Variants in USP20 observed in about 807,000 individuals in gnomAD.
USP20 encodes ubiquitin specific peptidase 20, also known as ubiquitin carboxyl-terminal hydrolase 20.
Under a neutral mutation model 124.2 loss-of-function variants are expected in USP20, and 80 were observed. The observed-to-expected ratio is 0.64, with a 90% CI of 0.54 to 0.78. The LOEUF is 0.78. USP20 is among the 30% of genes least tolerant of loss of function. USP20 has a pLI of 0.00. For synonymous variants in USP20, 481 were observed against 512.3 expected, an observed-to-expected ratio of 0.94 and a Z score of 0.83; for missense variants, 1,043 against 1,244.4, an observed-to-expected ratio of 0.84 and a Z score of 2.44.
intron 17 of USP20, 119 bp downstream of exon 17, chr9:129,873,863 G>C: frequency 7.9e-7 from 1 of 1,261,018 alleles, no homozygotes; most frequent in East Asian, 2.4e-5. Flanking sequence ...AGGGGCCGTG[G>C]AGACTCCATA....
chr9:129,853,665 A>G (rs972419615), intron 3 of USP20, among the ~76,000 whole-genome samples: 12 of 152,222 alleles, frequency 7.9e-5, no homozygotes, highest in African/African-American at 2.7e-4. Flanking sequence ...CATAGTGCCT[A>G]TAGCTGCTTT....
rs1025551623 is a variant in USP20, at chr9:129,841,012, C to G, written c.-129+5513C>G. Among the ~76,000 whole-genome samples the G allele has an allele frequency of 2.3e-4, 35 of 152,172 alleles. 1 individual carries two copies. Among genetic ancestry groups the G allele is most frequent in the Admixed American group, 2.3e-3 (35 of 15,276 alleles). ...TCTCAAACTGCTGACCTCTGGTGAT[C>G]CGCCAGCCTCAACCTCCCAAAGTGC... is the stretch of plus-strand genomic sequence containing the variant. On this transcript the variant is annotated intron_variant, in intron 1 of 25. Coordinates refer to ENST00000372429, the MANE Select transcript of USP20 (RefSeq NM_001110303.4).
intron 1 of USP20, among the ~76,000 whole-genome samples, chr9:129,846,323 A>T: frequency 8.1e-6 from 1 of 123,912 alleles, no homozygotes; most frequent in East Asian, 2.5e-4. Context: ...TGGTGCCATC[A>T]TAGCTCACTG....
chr9:129,877,895 G>A (rs571089350), intron 22 of USP20, among the ~76,000 whole-genome samples: 5 of 152,174 alleles, frequency 3.3e-5, no homozygotes, highest in Non-Finnish European at 5.9e-5. Context: ...CCAACATGGC[G>A]AAACCCCGTC....
chr9:129,868,202 C>T lies in USP20; in HGVS notation c.888C>T (p.Asp296=), dbSNP rs780322247. The T allele has an allele frequency of 3.1e-5, 50 of 1,613,824 alleles. 1 individual carries two copies. The highest frequency in any genetic ancestry group is 2.9e-4 in the South Asian group (26 of 91,082). ...CGAGCAGTGACCGGGGTGAGGGTGA[C>T]GGGCAGGGGCGTGGCGGGGGCAGCT... ...CDSSSDRGEG[D]GQGRGGGSSQ... is the part of the protein sequence containing the mutation. The change falls in exon 11 of 26, where the codon GAC becomes GAT. Residue 296 remains aspartate (D), a synonymous_variant. Transcript: ENST00000372429.
rs185840574 is a variant in USP20 at position 129,869,031 on chromosome 9, C to G, written c.1276+29C>G. On this transcript the variant is annotated intron_variant, in intron 12 of 25. Transcript: ENST00000372429. Reference sequence around the variant, plus strand: ...CGGGGGGCACGGGAGGGTGGGTCAGCTTGAGGCTGGGAGTACAGATTACGC... The same window carrying G: ...CGGGGGGCACGGGAGGGTGGGTCAGGTTGAGGCTGGGAGTACAGATTACGC... The G allele has an allele frequency of 3.9e-4, 611 of 1,584,082 alleles. 4 individuals carry two copies. The East Asian group carries it at 0.013, about 33-fold the overall frequency.
chr9:129,850,535 G>A (rs896659129), intron 2 of USP20, among the ~76,000 whole-genome samples: 9 of 152,282 alleles, frequency 5.9e-5, no homozygotes, highest in African/African-American at 1.7e-4. Flanking sequence ...TGAGAATCTG[G>A]CCAGTTGACC....
chr9:129,865,613 C>T (rs191648516), intron 10 of USP20, among the ~76,000 whole-genome samples: 23 of 152,224 alleles, frequency 1.5e-4, no homozygotes, highest in Non-Finnish European at 2.6e-4. Context: ...GTTCAGGGGC[C>T]GAGCCACTTG....
rs891226506 is a variant in USP20 at position 129,881,240 on chromosome 9, G to A, written c.*790G>A. The A allele has an allele frequency of 2.0e-5, 3 of 152,294 alleles. No homozygotes were observed. The highest frequency in any genetic ancestry group is 2.9e-5 in the Non-Finnish European group (2 of 68,080). 9.4% of individuals were successfully genotyped at this position (152,294 alleles called of 1,614,324 possible). On this transcript the variant is annotated 3_prime_UTR_variant, in exon 26 of 26. Transcript: ENST00000372429. ...GATACCTCACAGCTTGGCCATTTGA[G>A]GCAAAGGCAGCTTCCCGAGCTGATG...
intron 3 of USP20, among the ~76,000 whole-genome samples, chr9:129,852,894 A>C (rs989393688): frequency 6.6e-6 from 1 of 152,202 alleles, no homozygotes; most frequent in African/African-American, 2.4e-5. Context: ...GGCGGTGCAC[A>C]GAGCCTCTCC....
chr9:129,878,586 T>C, intron 23 of USP20, 146 bp downstream of exon 23: 1 of 711,558 alleles, frequency 1.4e-6, no homozygotes, highest in Non-Finnish European at 2.3e-6. Flanking sequence ...ACAGAGAGCA[T>C]GGGGCTTTGC....
intron 15 of USP20, among the ~76,000 whole-genome samples, chr9:129,872,625 T>C (rs575676404): frequency 6.6e-6 from 1 of 152,338 alleles, no homozygotes; most frequent in South Asian, 2.1e-4. Flanking sequence ...ACTTTTTTCC[T>C]ACTTTTCTCC....
At chr9:129,868,749 A>C in intron 11 of USP20, 113 bp from the exon 12 acceptor site, 1 of 1,466,060 alleles carries the variant, frequency 6.8e-7, no homozygotes, top group South Asian at 1.4e-5. Context: ...CAGAGGAGAC[A>C]CATTAGGGTC....
intron 1 of USP20, among the ~76,000 whole-genome samples, chr9:129,844,557 G>C (rs1332525491): frequency 1.3e-5 from 2 of 148,778 alleles, no homozygotes; most frequent in African/African-American, 5.0e-5. Context: ...ACCTGAAGTG[G>C]AGAGTGTGTT....
chr9:129,875,592 G>T lies in USP20; in HGVS notation c.2251G>T (p.Asp751Tyr). 1 of 1,613,990 alleles carries T rather than the reference G, an allele frequency of 6.2e-7. No individual in the cohort carries two copies. Among genetic ancestry groups the T allele is most frequent in the South Asian group, 1.1e-5 (1 of 91,056 alleles). Residue 751 changes from aspartate to tyrosine, a missense_variant, in exon 21 of 26, where the codon GAC becomes TAC. Physicochemically the swap from Asp to Tyr is radical, Grantham distance 160. Coordinates refer to ENST00000372429, the MANE Select transcript of USP20 (RefSeq NM_001110303.4). ...IPPHKYHYID[D>Y]LVVILPQNVW... ...GCCCCACAAATACCACTACATCGACGACCTGGTGGTCATCCTGCCCCAGAA... is the reference window on the plus strand; with the variant it reads ...GCCCCACAAATACCACTACATCGACTACCTGGTGGTCATCCTGCCCCAGAA...
chr9:129,867,914 T>A, intron 10 of USP20, 91 bp from the exon 11 acceptor site: 3 of 1,469,564 alleles, frequency 2.0e-6, no homozygotes, highest in Non-Finnish European at 2.7e-6. Context: ...TCCTCCTAGA[T>A]GGAGGCTGGC....
At chr9:129,866,327 A>T (rs534792074) in intron 10 of USP20, among the ~76,000 whole-genome samples, 2 of 152,328 alleles carry the variant, frequency 1.3e-5, no homozygotes, top group Admixed American at 1.3e-4. Flanking sequence ...CTTTTTGGGG[A>T]GTGATAACAT....
At chr9:129,859,648 T>C (rs2033432256) in intron 6 of USP20, among the ~76,000 whole-genome samples, 1 of 152,174 alleles carries the variant, frequency 6.6e-6, no homozygotes, top group African/African-American at 2.4e-5. Flanking sequence ...TTTGTGAACT[T>C]GGTAGATATT....
At chr9:129,868,711 TGTGC>T (rs2033956408) in intron 11 of USP20, 147 bp from the exon 12 acceptor site, 2 of 1,378,494 alleles carry the variant, frequency 1.5e-6, no homozygotes, top group East Asian at 4.9e-5. Flanking sequence ...CTCCGGCCTG[TGTGC>T]TGGGGCCAGG....
Sources: gnomAD v4.1 joint callset for allele counts (sites outside exome capture counted in the v4.1 genomes callset) on GRCh38, gnomAD v4.1.1 for gene constraint, MANE v1.5 for transcripts, NCBI Gene and HGNC (gene_info 2026-07-23, HGNC 2026-07-21) for gene names.